PCCA: variants seen among roughly 807,000 people sequenced by gnomAD.
The protein encoded by PCCA is propionyl-CoA carboxylase subunit alpha.
A neutral mutation model predicts 101.3 loss-of-function variants in PCCA; 74 were observed. The observed-to-expected ratio is 0.73, with a 90% CI of 0.61 to 0.89. PCCA has a LOEUF of 0.89. Ranked by LOEUF, PCCA falls within the 40% of genes least tolerant of loss-of-function variation. PCCA has a pLI of 0.00. For synonymous variants in PCCA, 294 were observed against 313.6 expected, an observed-to-expected ratio of 0.94 and a Z score of 0.66; for missense variants, 891 against 907.0, an observed-to-expected ratio of 0.98 and a Z score of 0.23.
intron 10 of PCCA, 127 bp from the exon 11 acceptor site, chr13:100,268,562 G>A (rs780717032): frequency 2.6e-6 from 2 of 764,860 alleles, no homozygotes; most frequent in South Asian, 2.8e-5. Flanking sequence ...ATAATGTTTT[G>A]AGAGGTATGT....
chr13:100,374,860 G>C (rs1276396883), intron 19 of PCCA, among the ~76,000 whole-genome samples: 1 of 152,018 alleles, frequency 6.6e-6, no homozygotes, highest in Non-Finnish European at 1.5e-5. Context: ...TCGTGTCTCT[G>C]TCTCCTTCAG....
At chr13:100,188,495 T>C (rs1246196154) in intron 6 of PCCA, among the ~76,000 whole-genome samples, 2 of 152,368 alleles carry the variant, frequency 1.3e-5, no homozygotes, top group Non-Finnish European at 2.9e-5. Context: ...TTTTTGCAAT[T>C]GCAAATTGTG....
At chr13:100,217,100 A>G (rs559580727) in intron 7 of PCCA, among the ~76,000 whole-genome samples, 66 of 149,440 alleles carry the variant, frequency 4.4e-4, no homozygotes, top group South Asian at 4.3e-4. Context: ...CAAGAGCGGA[A>G]CTCTGTCTAA....
At chr13:100,368,680 C>G in intron 19 of PCCA, 106 bp downstream of exon 19, 1 of 732,954 alleles carries the variant, frequency 1.4e-6, no homozygotes, top group South Asian at 1.6e-5. Flanking sequence ...TTTGTAGTAC[C>G]TCTATGTATT....
At chr13:100,108,129 C>G (rs2047982223) in intron 2 of PCCA, among the ~76,000 whole-genome samples, 1 of 151,836 alleles carries the variant, frequency 6.6e-6, no homozygotes, top group African/African-American at 2.4e-5. Context: ...GGAGTTAGAG[C>G]CTGGGAGAGA....
chr13:100,376,415 C>T (rs557506295), intron 19 of PCCA, among the ~76,000 whole-genome samples: 3 of 152,346 alleles, frequency 2.0e-5, no homozygotes, highest in South Asian at 4.1e-4. Context: ...AGCCAGCAGG[C>T]AGGAACGCTT....
chr13:100,375,939 G>A (rs2075872111), intron 19 of PCCA, among the ~76,000 whole-genome samples: 1 of 152,196 alleles, frequency 6.6e-6, no homozygotes, highest in Non-Finnish European at 1.5e-5. Context: ...ATAAAGGGAT[G>A]GAGGAAGATG....
At chr13:100,347,040 A>T (rs2072356792) in intron 18 of PCCA, among the ~76,000 whole-genome samples, 1 of 151,740 alleles carries the variant, frequency 6.6e-6, no homozygotes, top group Admixed American at 6.6e-5. Flanking sequence ...CACCCCACTA[A>T]TTTTTTTGTA....
chr13:100,501,468 C>T (rs1362907210), intron 21 of PCCA, among the ~76,000 whole-genome samples: 2 of 152,206 alleles, frequency 1.3e-5, no homozygotes, highest in Non-Finnish European at 2.9e-5. Context: ...TTCTCATGGA[C>T]ATGAGCTAAA....
chr13:100,363,798 A>ATGC (rs1734568024), intron 18 of PCCA, among the ~76,000 whole-genome samples: 2 of 152,182 alleles, frequency 1.3e-5, no homozygotes, highest in South Asian at 4.1e-4. Flanking sequence ...CTAACTGAAG[A>ATGC]TGCTGAGAGT....
chr13:100,123,354 C>T (rs1245784120), intron 4 of PCCA, among the ~76,000 whole-genome samples: 1 of 152,036 alleles, frequency 6.6e-6, no homozygotes, highest in Non-Finnish European at 1.5e-5. Context: ...TGCACCTGGC[C>T]CTGAATAACT....
At chr13:100,498,754 G>T (rs1429056621) in intron 21 of PCCA, among the ~76,000 whole-genome samples, 1 of 152,096 alleles carries the variant, frequency 6.6e-6, no homozygotes, top group African/African-American at 2.4e-5. Flanking sequence ...TGGAGCATGT[G>T]TCTGGTCTTT....
At chr13:100,285,205 A>C (rs1404855712) in intron 12 of PCCA, among the ~76,000 whole-genome samples, 1 of 152,212 alleles carries the variant, frequency 6.6e-6, no homozygotes, top group Non-Finnish European at 1.5e-5. Context: ...CCCCGGATAC[A>C]GCGAGATAGC....
At chr13:100,214,564 A>G (rs1340302254) in intron 7 of PCCA, among the ~76,000 whole-genome samples, 1 of 151,838 alleles carries the variant, frequency 6.6e-6, no homozygotes, top group East Asian at 1.9e-4. Flanking sequence ...ATCTGGGACT[A>G]TAGGCATGCA....
At chr13:100,518,020 T>G (rs2086963968) in intron 22 of PCCA, among the ~76,000 whole-genome samples, 1 of 150,346 alleles carries the variant, frequency 6.7e-6, no homozygotes, top group Non-Finnish European at 1.5e-5. Context: ...CGTGTTGTGT[T>G]TTCCTCCGCA....
At chr13:100,461,577 C>T (rs1045261447) in intron 21 of PCCA, among the ~76,000 whole-genome samples, 1 of 152,190 alleles carries the variant, frequency 6.6e-6, no homozygotes, top group African/African-American at 2.4e-5. Flanking sequence ...CATAAGCAGT[C>T]CCTCAACTGA....
chr13:100,338,747 TTGTATTA>T (rs2070878299), intron 17 of PCCA, among the ~76,000 whole-genome samples: 1 of 149,534 alleles, frequency 6.7e-6, no homozygotes, highest in Non-Finnish European at 1.5e-5. Context: ...GATCCCATAT[TTGTATTA>T]TGTTTTATGT....
intron 12 of PCCA, among the ~76,000 whole-genome samples, chr13:100,280,470 G>T: frequency 6.6e-6 from 1 of 151,776 alleles, no homozygotes; most frequent in East Asian, 1.9e-4. Context: ...AATGTTCTCT[G>T]TTCACCTCTC....
intron 1 of PCCA, among the ~76,000 whole-genome samples, chr13:100,095,179 G>A (rs541832580): frequency 3.9e-5 from 6 of 151,942 alleles, no homozygotes; most frequent in East Asian, 1.9e-4. Flanking sequence ...CTTCTTGTGC[G>A]TCTTTCCCTC....
Sources: gnomAD v4.1 joint callset for allele counts (sites outside exome capture counted in the v4.1 genomes callset) on GRCh38, gnomAD v4.1.1 for gene constraint, MANE v1.5 for transcripts, NCBI Gene and HGNC (gene_info 2026-07-23, HGNC 2026-07-21) for gene names.